The following SNX6 variants were observed in gnomAD, a reference collection of about 807,000 sequenced individuals.
The protein encoded by SNX6 is sorting nexin 6, also known as sorting nexin-6.
SNX6 carries 34 observed loss-of-function variants against 63.0 expected under a neutral mutation model. The ratio of observed to expected loss-of-function variants is 0.54; its 90% CI spans 0.41 to 0.72. The LOEUF (loss-of-function observed/expected upper bound fraction) is 0.72, where lower values mean the gene tolerates loss of function less well. Ranked by LOEUF, SNX6 falls within the 30% of genes least tolerant of loss-of-function variation. SNX6 has a pLI of 0.00. For synonymous variants in SNX6, 170 were observed against 164.2 expected, an observed-to-expected ratio of 1.04 and a Z score of -0.27; for missense variants, 398 against 471.4, an observed-to-expected ratio of 0.84 and a Z score of 1.44.
chr14:34,587,872 G>A (rs1882240449), intron 8 of SNX6, among the ~76,000 whole-genome samples: 1 of 148,916 alleles, frequency 6.7e-6, no homozygotes, highest in South Asian at 2.1e-4. Flanking sequence ...GTGCAGTGGT[G>A]GGGTCTTGGC....
At chr14:34,567,807 AAT>A (rs748069262) in intron 12 of SNX6, 36 bp from the exon 13 acceptor site, 91 of 1,612,008 alleles carry the variant, frequency 5.6e-5, no homozygotes, top group Non-Finnish European at 7.3e-5. Context: ...TAATTTACAT[AAT>A]AGTCATAAAG....
chr14:34,607,197 C>T (rs1883053405), intron 4 of SNX6, among the ~76,000 whole-genome samples: 1 of 152,080 alleles, frequency 6.6e-6, no homozygotes, highest in Non-Finnish European at 1.5e-5. Context: ...TAACATACCC[C>T]ACATCCCCTA....
chr14:34,569,530 G>GATCTA (rs1881346193), intron 11 of SNX6, among the ~76,000 whole-genome samples: 1 of 151,952 alleles, frequency 6.6e-6, no homozygotes, highest in Non-Finnish European at 1.5e-5. Flanking sequence ...CGGTTCAAGT[G>GATCTA]ATTCTCCTGC....
intron 11 of SNX6, among the ~76,000 whole-genome samples, chr14:34,574,907 T>C (rs1306051631): frequency 6.6e-6 from 1 of 152,022 alleles, no homozygotes; most frequent in East Asian, 1.9e-4. Flanking sequence ...TTATTATTTT[T>C]TGAGACAGAG....
chr14:34,568,520 G>A (rs1881293109), intron 11 of SNX6, among the ~76,000 whole-genome samples: 1 of 151,964 alleles, frequency 6.6e-6, no homozygotes, highest in African/African-American at 2.4e-5. Flanking sequence ...GATTTTTGTA[G>A]AGACGGGGCC....
chr14:34,630,112 A>G lies in SNX6; in HGVS notation c.5T>C (p.Met2Thr), dbSNP rs1883989050. 1 of 1,427,012 alleles carries G rather than the reference A, an allele frequency of 7.0e-7. No homozygotes were observed. Among genetic ancestry groups the G allele is most frequent in the Middle Eastern group, 2.5e-4 (1 of 4,016 alleles). 88.4% of individuals were successfully genotyped at this position (1,427,012 alleles called of 1,614,324 possible). ...CTCGGCGCCGCGGAGAACACCCACC[A>G]TCATGGCTGCTCCGAGGCGAGGGCC... M[M>T]EGLDDGPDFL... Residue 2 changes from methionine to threonine, a missense_variant and splice_region_variant, in exon 1 of 14, where the codon ATG (methionine) becomes ACG (threonine). Met to Thr is a moderately conservative substitution (Grantham distance 81, BLOSUM62 -1). Coordinates refer to ENST00000362031, the MANE Select transcript of SNX6 (RefSeq NM_152233.4).
intron 11 of SNX6, among the ~76,000 whole-genome samples, chr14:34,574,357 A>C (rs573397668): frequency 2.4e-4 from 37 of 151,142 alleles, no homozygotes; most frequent in African/African-American, 9.0e-4. Flanking sequence ...AAAGAGAAAA[A>C]AAGAAATCCT....
intron 5 of SNX6, chr14:34,604,211 G>C (rs1310154922): frequency 7.8e-7 from 1 of 1,288,820 alleles, no homozygotes; most frequent in Non-Finnish European, 1.0e-6. Flanking sequence ...CAAAAAAGAA[G>C]GATGCAGAGG....
At chr14:34,592,736 T>A (rs1882447559) in intron 8 of SNX6, among the ~76,000 whole-genome samples, 1 of 152,120 alleles carries the variant, frequency 6.6e-6, no homozygotes, top group South Asian at 2.1e-4. Flanking sequence ...GCTAATTTTA[T>A]TTTTTATATC....
intron 13 of SNX6, among the ~76,000 whole-genome samples, chr14:34,566,230 TTAAA>T (rs1881177709): frequency 6.6e-6 from 1 of 152,254 alleles, no homozygotes; most frequent in South Asian, 2.1e-4. Context: ...ACAGCAAATG[TTAAA>T]TAAATTTTTC....
chr14:34,606,309 C>G (rs1025753149), intron 4 of SNX6, among the ~76,000 whole-genome samples: 6 of 150,112 alleles, frequency 4.0e-5, no homozygotes, highest in Non-Finnish European at 5.9e-5. Flanking sequence ...TTGGTAGAGA[C>G]GGGGTTTCGC....
intron 6 of SNX6, among the ~76,000 whole-genome samples, chr14:34,602,655 C>T (rs550739599): frequency 6.6e-6 from 1 of 151,584 alleles, no homozygotes; most frequent in African/African-American, 2.4e-5. Context: ...TTTCTAACTA[C>T]TCTTGCCTTT....
intron 2 of SNX6, among the ~76,000 whole-genome samples, chr14:34,619,375 T>C (rs931570369): frequency 6.6e-6 from 1 of 151,858 alleles, no homozygotes; most frequent in Admixed American, 6.6e-5. Flanking sequence ...TGAGCTGATA[T>C]CGCACCACTG....
intron 6 of SNX6, among the ~76,000 whole-genome samples, chr14:34,601,112 G>C (rs935250670): frequency 6.6e-6 from 1 of 151,896 alleles, no homozygotes; most frequent in Non-Finnish European, 1.5e-5. Flanking sequence ...TAATTTACCC[G>C]AATCTGGAAT....
At chr14:34,596,435 A>G (rs544323716) in intron 7 of SNX6, among the ~76,000 whole-genome samples, 22 of 151,678 alleles carry the variant, frequency 1.5e-4, no homozygotes, top group Non-Finnish European at 2.7e-4. Context: ...CCTGGCCAAC[A>G]TGGTGAAACC....
At chr14:34,577,086 G>C (rs1394201866) in intron 10 of SNX6, among the ~76,000 whole-genome samples, 1 of 151,732 alleles carries the variant, frequency 6.6e-6, no homozygotes, top group African/African-American at 2.4e-5. Context: ...AACTTTCTAG[G>C]TATTTCTTTC....
At chr14:34,624,163 C>T (rs1450643894) in intron 2 of SNX6, among the ~76,000 whole-genome samples, 1 of 152,050 alleles carries the variant, frequency 6.6e-6, no homozygotes. Context: ...TGCAATGGCA[C>T]AGTCTCGGCT....
At chr14:34,565,278 C>T (rs1200544599) in intron 13 of SNX6, among the ~76,000 whole-genome samples, 2 of 151,820 alleles carry the variant, frequency 1.3e-5, no homozygotes, top group African/African-American at 2.4e-5. Flanking sequence ...GGGGTTTCAC[C>T]GTGGTAGCCA....
chr14:34,604,895 G>A (rs4982191), intron 5 of SNX6, among the ~76,000 whole-genome samples: 2 of 151,990 alleles, frequency 1.3e-5, no homozygotes, highest in African/African-American at 4.8e-5. Context: ...CACTCCCAGG[G>A]ATTCTGCATA....
Sources: gnomAD v4.1 joint callset for allele counts (sites outside exome capture counted in the v4.1 genomes callset) on GRCh38, gnomAD v4.1.1 for gene constraint, MANE v1.5 for transcripts, NCBI Gene and HGNC (gene_info 2026-07-23, HGNC 2026-07-21) for gene names.